GLYATL2: variants seen among roughly 807,000 people sequenced by gnomAD.
GLYATL2 encodes the protein glycine N-acyltransferase-like protein 2.
Under a neutral mutation model 21.4 loss-of-function variants are expected in GLYATL2, and 25 were observed. The observed-to-expected ratio is 1.17, with a 90% CI of 0.85 to 1.63. The LOEUF (loss-of-function observed/expected upper bound fraction) is 1.63, where lower values mean the gene tolerates loss of function less well. Ranked by LOEUF, GLYATL2 falls within the 40% of genes most tolerant of loss-of-function variation. The pLI, the probability that GLYATL2 is intolerant of heterozygous loss-of-function variation, is 0.00. For missense variants in GLYATL2, 361 were observed against 343.3 expected, an observed-to-expected ratio of 1.05 and a Z score of -0.41; for synonymous variants, 114 against 118.2, an observed-to-expected ratio of 0.96 and a Z score of 0.23.
chr11:58,855,849 T>C (rs371914293), intron 1 of GLYATL2, among the ~76,000 whole-genome samples: 1 of 152,112 alleles, frequency 6.6e-6, no homozygotes, highest in African/African-American at 2.4e-5. Flanking sequence ...ATGGGCCAGG[T>C]GTGGTGGCTC....
In GLYATL2 at chr11:58,864,831, A is replaced by G. The variant is rs781741669; in HGVS notation, n.61-26463T>C. ...CCATTCTGACATTTTGCTGATGTCT[A>G]GTTGCACAGCATCCAGTCAGATTTC... On this transcript the variant is annotated intron_variant and non_coding_transcript_variant, in intron 1 of 4. Coordinates refer to the GLYATL2 transcript ENST00000533636. 1.5e-4 allele frequency among the ~76,000 whole-genome samples: 22 copies of G among 149,204 alleles called. 2 individuals are homozygous for G. Among genetic ancestry groups the G allele is most frequent in the African/African-American group, 3.6e-4 (15 of 41,286 alleles).
intron 1 of GLYATL2, among the ~76,000 whole-genome samples, chr11:58,864,956 A>G (rs1384581739): frequency 6.7e-6 from 1 of 149,012 alleles, no homozygotes; most frequent in Non-Finnish European, 1.5e-5. Flanking sequence ...ATCTTATCAA[A>G]CACACACATA....
chr11:58,875,045 G>A (rs1854201502), intron 1 of GLYATL2, among the ~76,000 whole-genome samples: 1 of 152,130 alleles, frequency 6.6e-6, no homozygotes. Context: ...ATTATGTAAT[G>A]GCCTTCTTTG....
Position 58,834,850 on chromosome 11 carries a change from A to G in GLYATL2, c.477-13T>C. 1 of 1,544,776 alleles carries G rather than the reference A, an allele frequency of 6.5e-7. No homozygotes were observed. The highest frequency in any genetic ancestry group is 8.7e-7 in the Non-Finnish European group (1 of 1,147,590). On this transcript the variant is annotated splice_polypyrimidine_tract_variant and intron_variant, in intron 5 of 5. Coordinates refer to ENST00000287275, the MANE Select transcript of GLYATL2 (RefSeq NM_145016.4). ...AAAGTTTCCTTCCCTGTGAAGAAAA[A>G]GAATTTTACATTTATTCAGCCAATA...
chr11:58,854,300 C>A (rs540694997), intron 1 of GLYATL2, among the ~76,000 whole-genome samples: 2 of 152,238 alleles, frequency 1.3e-5, no homozygotes, highest in African/African-American at 2.4e-5. Flanking sequence ...TACATGCCTG[C>A]CTCAGAGATA....
At position 58,843,061 on chromosome 11, in the gene GLYATL2, T is replaced by C. The variant is rs1004841412; in HGVS notation, c.-41+1373A>G. 3.9e-5 allele frequency among the ~76,000 whole-genome samples: 6 copies of C among 152,190 alleles called. No individual in the cohort carries two copies. The East Asian group carries it at 5.8e-4, about 15-fold the overall frequency. ...ACTCTTCTTTATACTAATTAGCTTA[T>C]GGTAAAATTAATTTTGTTATATGTT... On this transcript the variant is annotated intron_variant, in intron 1 of 5. Coordinates refer to ENST00000287275, the MANE Select transcript of GLYATL2 (RefSeq NM_145016.4).
At chr11:58,878,885 C>T (rs567514603) in intron 1 of GLYATL2, among the ~76,000 whole-genome samples, 2 of 152,130 alleles carry the variant, frequency 1.3e-5, no homozygotes, top group African/African-American at 2.4e-5. Flanking sequence ...CATTGAAGTA[C>T]ATTTAAAAAT....
chr11:58,855,328 C>T (rs777240058), intron 1 of GLYATL2, among the ~76,000 whole-genome samples: 4 of 152,190 alleles, frequency 2.6e-5, no homozygotes, highest in Admixed American at 6.5e-5. Context: ...TGTCCTTGTA[C>T]ATCTCCATCA....
chr11:58,851,385 C>G (rs1031519668), intron 1 of GLYATL2, among the ~76,000 whole-genome samples: 1 of 152,120 alleles, frequency 6.6e-6, no homozygotes, highest in African/African-American at 2.4e-5. Flanking sequence ...TATGGTGTAT[C>G]GCACTGGTTG....
intron 1 of GLYATL2, among the ~76,000 whole-genome samples, chr11:58,897,778 G>T (rs1346112855): frequency 2.0e-5 from 3 of 152,120 alleles, no homozygotes; most frequent in African/African-American, 2.4e-5. Context: ...TGCTAGATCA[G>T]CACTCTTCTT....
chr11:58,856,620 G>A (rs906884144), intron 1 of GLYATL2, among the ~76,000 whole-genome samples: 14 of 152,052 alleles, frequency 9.2e-5, no homozygotes, highest in Admixed American at 8.5e-4. Context: ...TAATTTAAAT[G>A]TTGTTGTGTC....
upstream of GLYATL2, chr11:58,907,928 G>C (rs935415014): frequency 6.5e-6 from 1 of 153,026 alleles, no homozygotes; most frequent in African/African-American, 2.4e-5. Context: ...TTTTCTAGTC[G>C]GATTTTGGGG....
At chr11:58,889,194 T>C (rs982760901) in intron 1 of GLYATL2, among the ~76,000 whole-genome samples, 5 of 152,054 alleles carry the variant, frequency 3.3e-5, no homozygotes, top group African/African-American at 7.2e-5. Context: ...TATTTTGTTA[T>C]TGCTTTTTAT....
intron 1 of GLYATL2, among the ~76,000 whole-genome samples, chr11:58,886,106 C>T (rs1261764978): frequency 6.6e-6 from 1 of 152,118 alleles, no homozygotes; most frequent in Non-Finnish European, 1.5e-5. Flanking sequence ...CTCCTAGCTA[C>T]TCAGGAGGCT....
chr11:58,898,150 A>G (rs1171703406), intron 1 of GLYATL2, among the ~76,000 whole-genome samples: 1 of 152,156 alleles, frequency 6.6e-6, no homozygotes, highest in Non-Finnish European at 1.5e-5. Flanking sequence ...TATATAAAAT[A>G]AAGTACCAGT....
chr11:58,890,123 C>T (rs926298076), intron 1 of GLYATL2, among the ~76,000 whole-genome samples: 3 of 152,082 alleles, frequency 2.0e-5, no homozygotes, highest in African/African-American at 7.2e-5. Context: ...TAGTAGTCCA[C>T]AGTGTCTATT....
chr11:58,857,955 T>A (rs1209461466), intron 1 of GLYATL2, among the ~76,000 whole-genome samples: 1 of 150,022 alleles, frequency 6.7e-6, no homozygotes, highest in African/African-American at 2.5e-5. Context: ...CTTGAGGAAT[T>A]AGGTAGGCAA....
intron 1 of GLYATL2, among the ~76,000 whole-genome samples, chr11:58,877,845 A>G (rs909829044): frequency 6.6e-6 from 1 of 152,242 alleles, no homozygotes; most frequent in African/African-American, 2.4e-5. Context: ...CAAACTAAAT[A>G]CAGTCTGAGA....
intron 5 of GLYATL2, 89 bp downstream of exon 5, chr11:58,836,926 A>T: frequency 9.0e-7 from 1 of 1,113,414 alleles, no homozygotes; most frequent in Non-Finnish European, 1.3e-6. Flanking sequence ...ATCATAATTT[A>T]GTCTCAAATC....
Sources: gnomAD v4.1 joint callset for allele counts (sites outside exome capture counted in the v4.1 genomes callset) on GRCh38, gnomAD v4.1.1 for gene constraint, MANE v1.5 for transcripts, NCBI Gene and HGNC (gene_info 2026-07-23, HGNC 2026-07-21) for gene names.